COLQ: variants seen among roughly 807,000 people sequenced by gnomAD.
COLQ encodes acetylcholinesterase collagenic tail peptide.
COLQ carries 48 observed loss-of-function variants against 69.0 expected under a neutral mutation model. That is an observed-to-expected ratio of 0.70 (90% confidence interval 0.55 to 0.88). COLQ has a LOEUF of 0.88. Among genes scored for constraint, COLQ ranks in the 40% least tolerant of loss-of-function variants. COLQ has a pLI of 0.00. For missense variants in COLQ, 618 were observed against 594.6 expected (o/e 1.04, Z -0.41); for synonymous variants, 217 against 211.2 (o/e 1.03, Z -0.24).
chr3:15,513,626 C>A (rs1426112108), intron 1 of COLQ, among the ~76,000 whole-genome samples: 1 of 152,190 alleles, frequency 6.6e-6, no homozygotes, highest in African/African-American at 2.4e-5. Flanking sequence ...TTCCCCACTG[C>A]CCTTCTGAGA....
At chr3:15,481,770 T>G (rs1044162061) in intron 3 of COLQ, among the ~76,000 whole-genome samples, 18 of 152,218 alleles carry the variant, frequency 1.2e-4, no homozygotes, top group Non-Finnish European at 2.4e-4. Flanking sequence ...GGTAGCTTGA[T>G]GGGGATGGCA....
intron 5 of COLQ, among the ~76,000 whole-genome samples, chr3:15,477,858 CGA>C (rs1360831532): frequency 2.6e-5 from 4 of 152,294 alleles, no homozygotes; most frequent in African/African-American, 9.6e-5. Flanking sequence ...AGGTTCCTCC[CGA>C]GAGTGGTCCC....
In COLQ at chr3:15,521,460, T is replaced by C. The variant is rs572652223; in HGVS notation, c.106+60A>G. On this transcript the variant is annotated intron_variant, in intron 1 of 16. Coordinates refer to ENST00000383788, the MANE Select transcript of COLQ (RefSeq NM_005677.4). ...CATCAGGACACATTGCAAAACAATC[T>C]TCCTTCCTCCCCCTGTCCCCTGACA... The C allele has an allele frequency of 5.3e-5, 85 of 1,607,904 alleles. No homozygotes were observed. The African/African-American group carries it at 1.0e-3, about 19-fold the overall frequency.
At chr3:15,498,927 G>A in intron 1 of COLQ, 1 of 1,207,426 alleles carries the variant, frequency 8.3e-7, no homozygotes, top group Non-Finnish European at 1.0e-6. Flanking sequence ...GAAATTGAGA[G>A]CAATCAAACA....
intron 3 of COLQ, among the ~76,000 whole-genome samples, chr3:15,481,591 G>C (rs1304373254): frequency 1.3e-5 from 2 of 152,192 alleles, no homozygotes. Flanking sequence ...TTTGGTGCCA[G>C]TACCATGCTG....
chr3:15,466,199 G>A (rs2062196917), intron 12 of COLQ, 142 bp downstream of exon 12: 4 of 636,114 alleles, frequency 6.3e-6, no homozygotes, highest in South Asian at 3.9e-5. Flanking sequence ...CTAAATCGTG[G>A]AGAAATTACA....
intron 1 of COLQ, among the ~76,000 whole-genome samples, chr3:15,494,267 A>C (rs1175251273): frequency 6.6e-6 from 1 of 152,142 alleles, no homozygotes; most frequent in Non-Finnish European, 1.5e-5. Flanking sequence ...AGGAAGGTGC[A>C]GGTGTGGGGA....
At position 15,488,255 on chromosome 3, in the gene COLQ, G is replaced by T. The variant is rs1339619455; in HGVS notation, c.272C>A (p.Ser91Tyr). Reference protein sequence around the residue: ...NLMLELETSQSPCMQGSLGSP... With the variant: ...NLMLELETSQYPCMQGSLGSP... The stretch of plus-strand genomic sequence containing the variant: ...GCCTAGCGAGCCTTGCATGCACGGG[G>T]ACTGCGAGGTCTCCAGTTCCAGCAT... The change falls in exon 3 of 17, where the codon TCC (serine) becomes TAC (tyrosine). Residue 91 changes from serine to tyrosine, a missense_variant. Transcript: ENST00000383788. 1.2e-6 allele frequency: 2 copies of T among 1,613,500 alleles called. No individual in the cohort carries two copies. The highest frequency in any genetic ancestry group is 8.5e-7 in the Non-Finnish European group (1 of 1,180,030).
intron 1 of COLQ, among the ~76,000 whole-genome samples, chr3:15,509,924 G>C (rs1231369910): frequency 6.6e-6 from 1 of 152,190 alleles, no homozygotes; most frequent in Non-Finnish European, 1.5e-5. Context: ...TGTAATCCCA[G>C]CACTTTGGGA....
At chr3:15,518,451 A>C (rs1346723433) in intron 1 of COLQ, among the ~76,000 whole-genome samples, 1 of 152,234 alleles carries the variant, frequency 6.6e-6, no homozygotes, top group Non-Finnish European at 1.5e-5. Context: ...ATAGGCTTAG[A>C]ATAAAGGCCT....
intron 12 of COLQ, among the ~76,000 whole-genome samples, chr3:15,465,100 G>A (rs1453709154): frequency 2.6e-5 from 4 of 152,082 alleles, no homozygotes; most frequent in Admixed American, 2.0e-4. Flanking sequence ...CTTGAACCCG[G>A]GAGGTGGAGG....
chr3:15,508,348 A>G (rs1352176163), intron 1 of COLQ, among the ~76,000 whole-genome samples: 1 of 152,200 alleles, frequency 6.6e-6, no homozygotes, highest in African/African-American at 2.4e-5. Flanking sequence ...CATTTGAAAC[A>G]TTACTTATCT....
intron 3 of COLQ, among the ~76,000 whole-genome samples, chr3:15,485,557 A>T (rs2062559831): frequency 6.6e-6 from 1 of 152,176 alleles, no homozygotes. Context: ...TTATCCAAAT[A>T]ACAACAGCTC....
At chr3:15,492,583 C>T (rs1013638327) in intron 1 of COLQ, among the ~76,000 whole-genome samples, 3 of 151,916 alleles carry the variant, frequency 2.0e-5, no homozygotes, top group East Asian at 3.9e-4. Context: ...GGGAGAATGG[C>T]GTGAACCCGG....
chr3:15,492,959 A>C (rs2062693886), intron 1 of COLQ, among the ~76,000 whole-genome samples: 1 of 152,130 alleles, frequency 6.6e-6, no homozygotes. Context: ...GTTCCATAGA[A>C]CCCAGCACTC....
rs1187169119 is a variant in COLQ at position 15,479,346 on chromosome 3, C to G, written c.358G>C (p.Gly120Arg). The change falls in exon 4 of 17, where the codon GGA becomes CGA. Residue 120 changes from glycine (G) to arginine (R), a missense_variant. Physicochemically the swap from Gly to Arg is moderately radical, Grantham distance 125 (BLOSUM62 -2). Coordinates refer to ENST00000383788, the MANE Select transcript of COLQ (RefSeq NM_005677.4). ...AAAGTAGTGGTCCATACCTTTTCTCCCTTTGGTCCTGTCTTGCCAGGAAGC... is the reference window on the plus strand; with the variant it reads ...AAAGTAGTGGTCCATACCTTTTCTCGCTTTGGTCCTGTCTTGCCAGGAAGC... ...PGLPGKTGPKGEKGELGRPGR... is the reference protein window; with the variant it reads ...PGLPGKTGPKREKGELGRPGR... The G allele has an allele frequency of 6.2e-7, 1 of 1,613,956 alleles. No individual in the cohort carries two copies. The highest frequency in any genetic ancestry group is 8.5e-7 in the Non-Finnish European group (1 of 1,179,956).
rs532631650 is a variant in COLQ, at chr3:15,471,513, G to A, written c.637-897C>T. Among the ~76,000 whole-genome samples the A allele has an allele frequency of 7.2e-5, 11 of 152,274 alleles. No individual in the cohort carries two copies. The South Asian group carries it at 1.9e-3, about 26-fold the overall frequency. Reference sequence around the variant, plus strand: ...TCCTATCTCCAGTAATCCCCCAACAGCCCAGAATGCACAGCCAACAAGAAA... The same window carrying A: ...TCCTATCTCCAGTAATCCCCCAACAACCCAGAATGCACAGCCAACAAGAAA... On this transcript the variant is annotated intron_variant, in intron 10 of 16. Coordinates refer to ENST00000383788, the MANE Select transcript of COLQ (RefSeq NM_005677.4).
At chr3:15,504,349 C>G (rs4624547) in intron 1 of COLQ, among the ~76,000 whole-genome samples, 1 of 152,130 alleles carries the variant, frequency 6.6e-6, no homozygotes, top group African/African-American at 2.4e-5. Context: ...CAAGGTGTGG[C>G]TGGTTTGTTT....
At chr3:15,460,835 T>C (rs2062100982) in intron 12 of COLQ, among the ~76,000 whole-genome samples, 1 of 152,008 alleles carries the variant, frequency 6.6e-6, no homozygotes, top group African/African-American at 2.4e-5. Flanking sequence ...ATTAAGCACT[T>C]GGGGAAATTG....
Sources: allele counts gnomAD v4.1 joint callset (sites outside exome capture counted in the v4.1 genomes callset), GRCh38; gene constraint gnomAD v4.1.1; transcripts MANE v1.5; gene names NCBI Gene and HGNC (gene_info 2026-07-23, HGNC 2026-07-21).